HSD17B11: variants seen among roughly 807,000 people sequenced by gnomAD.
HSD17B11 encodes the protein estradiol 17-beta-dehydrogenase 11.
Under a neutral mutation model 27.8 loss-of-function variants are expected in HSD17B11, and 22 were observed. The ratio of observed to expected loss-of-function variants is 0.79; its 90% CI spans 0.56 to 1.13. HSD17B11 has a LOEUF of 1.13. Among genes scored for constraint, HSD17B11 ranks in the 50% most tolerant of loss-of-function variants. HSD17B11 has a pLI of 0.00. For synonymous variants in HSD17B11, 117 were observed against 132.8 expected (o/e 0.88, Z 0.82); for missense variants, 314 against 351.1 (o/e 0.89, Z 0.84).
In HSD17B11 at chr4:87,390,961, T is replaced by A; in HGVS notation, c.110A>T (p.Glu37Val). 1 of 1,614,156 alleles carries A rather than the reference T, an allele frequency of 6.2e-7. No individual in the cohort carries two copies. Among genetic ancestry groups the A allele is most frequent in the Non-Finnish European group, 8.5e-7 (1 of 1,180,014 alleles). The change falls in exon 1 of 7, where the codon GAA (glutamate) becomes GTA (valine). Residue 37 changes from glutamate (E) to valine (V), a missense_variant. Coordinates refer to ENST00000358290, the MANE Select transcript of HSD17B11 (RefSeq NM_016245.5). ...IPKRRKSVTG[E>V]IVLITGAGHG... Reference sequence around the variant, plus strand: ...CCCAGCTCCTGTAATCAGCACGATTTCGCCGGTGACTGATTTTCTCCTCTT... The same window carrying A: ...CCCAGCTCCTGTAATCAGCACGATTACGCCGGTGACTGATTTTCTCCTCTT...
intron 4 of HSD17B11, among the ~76,000 whole-genome samples, chr4:87,363,852 T>TG (rs1735568677): frequency 6.6e-6 from 1 of 152,222 alleles, no homozygotes; most frequent in Non-Finnish European, 1.5e-5. Flanking sequence ...TATGTGTCTA[T>TG]TCTCTTCTCC....
rs1418541776 is a variant in HSD17B11 at position 87,352,928 on chromosome 4, C to G, written c.695+4351G>C. ...CTTTCTTTGACTCGGAAAGGGAACT[C>G]CCTGACCCCTTGCGCTTCCCAGGTG... is the stretch of plus-strand genomic sequence containing the variant. On this transcript the variant is annotated intron_variant, in intron 5 of 6. Transcript: ENST00000358290. Among the ~76,000 whole-genome samples the G allele has an allele frequency of 3.2e-5, 3 of 92,752 alleles. 1 individual carries two copies. The highest frequency in any genetic ancestry group is 1.8e-4 in the African/African-American group (3 of 16,870). The allele number at this position is 92,752 out of a possible 152,430, so 60.8% of individuals were successfully genotyped here.
In HSD17B11 at chr4:87,353,101, C is replaced by A. The variant is rs1735316798; in HGVS notation, c.695+4178G>T. On this transcript the variant is annotated intron_variant, in intron 5 of 6. Transcript: ENST00000358290. ...TCTTCTGCGTCGCTCACGCTGGGAG[C>A]TGTAGACCGGAGCTGTTCCTATTCG... Among the ~76,000 whole-genome samples, 2 of 104,728 alleles carry A rather than the reference C, an allele frequency of 1.9e-5. 1 individual carries two copies. 68.7% of individuals were successfully genotyped at this position (104,728 alleles called of 152,430 possible). A position where few individuals can be genotyped will look rare whatever the true frequency, so the allele number is the denominator to read the frequency against.
chr4:87,385,629 G>T (rs546034765), intron 1 of HSD17B11, among the ~76,000 whole-genome samples: 53 of 152,228 alleles, frequency 3.5e-4, no homozygotes, highest in African/African-American at 1.2e-3. Context: ...AAAGTATATT[G>T]TATTGGCCAG....
At chr4:87,378,812 AATATAAAATATATATATAAAT>A in intron 2 of HSD17B11, among the ~76,000 whole-genome samples, 1 of 95,776 alleles carries the variant, frequency 1.0e-5, no homozygotes, top group Non-Finnish European at 2.0e-5. Context: ...TATATATATA[AATATAAAATATATATATAAAT>A]ATATATATAT....
chr4:87,337,633 A>G (rs1735077572), intron 6 of HSD17B11, among the ~76,000 whole-genome samples: 1 of 152,236 alleles, frequency 6.6e-6, no homozygotes, highest in Admixed American at 6.5e-5. Context: ...AGGAGGTGTA[A>G]GAACTGAAGA....
intron 5 of HSD17B11, among the ~76,000 whole-genome samples, chr4:87,344,802 C>A (rs929653406): frequency 2.0e-5 from 3 of 152,152 alleles, no homozygotes; most frequent in African/African-American, 7.2e-5. Context: ...AAACTATGTT[C>A]TCTGACTACA....
chr4:87,375,464 G>T lies in HSD17B11; in HGVS notation c.319-634C>A, dbSNP rs184408054. 4.7e-3 allele frequency among the ~76,000 whole-genome samples: 715 copies of T among 152,286 alleles called. 4 individuals are homozygous for T. The highest frequency in any genetic ancestry group is 0.016 in the African/African-American group (670 of 41,558). Reference sequence around the variant, plus strand: ...TAAGCAAAAAAAGTTAAATTAGGCTGGGTGCGGTGGCTCACGCCTGTAATC... The same window carrying T: ...TAAGCAAAAAAAGTTAAATTAGGCTTGGTGCGGTGGCTCACGCCTGTAATC... On this transcript the variant is annotated intron_variant, in intron 2 of 6. Transcript: ENST00000358290.
At chr4:87,375,301 G>T (rs140401438) in intron 2 of HSD17B11, among the ~76,000 whole-genome samples, 2 of 152,156 alleles carry the variant, frequency 1.3e-5, no homozygotes, top group Non-Finnish European at 2.9e-5. Context: ...ATGCACTTAT[G>T]TCCAAAATAG....
intron 4 of HSD17B11, among the ~76,000 whole-genome samples, chr4:87,366,982 CTTCTT>C (rs781029775): frequency 8.5e-5 from 13 of 152,140 alleles, no homozygotes; most frequent in Non-Finnish European, 1.5e-4. Context: ...TCAAAGGAAA[CTTCTT>C]TTAAGCTATT....
chr4:87,371,003 C>A, intron 4 of HSD17B11, among the ~76,000 whole-genome samples: 1 of 137,384 alleles, frequency 7.3e-6, no homozygotes. Flanking sequence ...CCGCCCGCCT[C>A]GGCCTCCCAA....
intron 5 of HSD17B11, among the ~76,000 whole-genome samples, chr4:87,341,310 T>C (rs530512401): frequency 3.0e-4 from 46 of 152,126 alleles, no homozygotes; most frequent in Non-Finnish European, 4.7e-4. Context: ...TAGCTGGGAC[T>C]ACAGATGTAC....
chr4:87,358,025 G>C (rs1482184644), intron 4 of HSD17B11, among the ~76,000 whole-genome samples: 1 of 137,232 alleles, frequency 7.3e-6, no homozygotes, highest in African/African-American at 2.7e-5. Context: ...GCGGTGGTGC[G>C]ATCTCGGCTC....
At chr4:87,353,807 T>C (rs927152407) in intron 5 of HSD17B11, among the ~76,000 whole-genome samples, 5 of 152,234 alleles carry the variant, frequency 3.3e-5, no homozygotes, top group African/African-American at 1.2e-4. Flanking sequence ...AAAGACAGTA[T>C]GACTTTAAAA....
Position 87,382,356 on chromosome 4 carries a change from G to C in HSD17B11, c.217C>G (p.Leu73Val), listed in dbSNP as rs1300144411. Residue 73 changes from leucine (L) to valine (V), a missense_variant, in exon 2 of 7, where the codon CTG becomes GTG. Coordinates refer to ENST00000358290, the MANE Select transcript of HSD17B11 (RefSeq NM_016245.5). Reference sequence around the variant, plus strand: ...TTGCATTTGGCAGCTGTTTCCTCCAGTCCATGCTAGAAAAAGCAAAAAAGA... The same window carrying C: ...TTGCATTTGGCAGCTGTTTCCTCCACTCCATGCTAGAAAAAGCAAAAAAGA... ...LVLWDINKHG[L>V]EETAAKCKGL... The C allele has an allele frequency of 1.9e-6, 3 of 1,612,436 alleles. No individual in the cohort carries two copies. Among genetic ancestry groups the C allele is most frequent in the Non-Finnish European group, 2.5e-6 (3 of 1,178,792 alleles).
intron 2 of HSD17B11, among the ~76,000 whole-genome samples, 185 bp downstream of exon 2, chr4:87,382,070 A>G (rs1720186651): frequency 6.6e-6 from 1 of 152,184 alleles, no homozygotes; most frequent in African/African-American, 2.4e-5. Flanking sequence ...ATTCCAGAAC[A>G]TACTAATATT....
chr4:87,338,960 G>A (rs1165033337), intron 6 of HSD17B11, among the ~76,000 whole-genome samples: 1 of 152,224 alleles, frequency 6.6e-6, no homozygotes, highest in East Asian at 1.9e-4. Context: ...CCATGTTCAT[G>A]TTGCAAGCAA....
intron 4 of HSD17B11, among the ~76,000 whole-genome samples, chr4:87,370,755 A>ATTATT (rs70957229): frequency 1.7e-5 from 1 of 57,520 alleles, no homozygotes; most frequent in Non-Finnish European, 3.3e-5. Context: ...TATTATTATT[A>ATTATT]TTTTTTTTTT....
chr4:87,380,863 CAAAAAAAAAAA>C (rs561938045), intron 2 of HSD17B11, among the ~76,000 whole-genome samples: 83 of 74,728 alleles, frequency 1.1e-3, no homozygotes, highest in African/African-American at 4.2e-3. Context: ...GACTCTATCT[CAAAAAAAAAAA>C]AAAAAAAAAA....
Sources: gnomAD v4.1 joint callset for allele counts (sites outside exome capture counted in the v4.1 genomes callset) on GRCh38, gnomAD v4.1.1 for gene constraint, MANE v1.5 for transcripts, NCBI Gene and HGNC (gene_info 2026-07-23, HGNC 2026-07-21) for gene names.